The following MEGF11 variants were observed in gnomAD, a reference collection of about 807,000 sequenced individuals.
MEGF11 encodes multiple epidermal growth factor-like domains protein 11.
In MEGF11, 126 loss-of-function variants were observed where a neutral mutation model predicts 146.6. The ratio of observed to expected loss-of-function variants is 0.86; its 90% CI spans 0.74 to 1.00. The LOEUF (loss-of-function observed/expected upper bound fraction) is 1.00. Among genes scored for constraint, MEGF11 ranks in the 50% least tolerant of loss-of-function variants. The probability of loss-of-function intolerance (pLI) is 0.00; values close to 1 mark genes in which losing one functional copy is unlikely to be tolerated. For synonymous variants in MEGF11, 532 were observed against 583.4 expected, an observed-to-expected ratio of 0.91 and a Z score of 1.27; for missense variants, 1,509 against 1,521.2, an observed-to-expected ratio of 0.99 and a Z score of 0.13.
At chr15:66,062,080 G>A (rs1023403738) in intron 5 of MEGF11, among the ~76,000 whole-genome samples, 11 of 152,238 alleles carry the variant, frequency 7.2e-5, no homozygotes, top group African/African-American at 2.7e-4. Context: ...TTTTGGTCAG[G>A]TGATCTGGGA....
chr15:65,957,598 G>C lies in MEGF11; in HGVS notation c.1236C>G (p.Gly412=). The C allele has an allele frequency of 6.2e-7, 1 of 1,613,906 alleles. No individual in the cohort carries two copies. The highest frequency in any genetic ancestry group is 8.5e-7 in the Non-Finnish European group (1 of 1,179,872). Residue 412 remains glycine (G), a synonymous_variant, in exon 10 of 26, where the codon GGC becomes GGG. Coordinates refer to ENST00000395614, the MANE Select transcript of MEGF11 (RefSeq NM_001385028.1). ...CCCCAGTGATGCTGTGGCAGTCGGCGCCATTCTGACAGGTGCAAGGCAGCT... is the reference window on the plus strand; with the variant it reads ...CCCCAGTGATGCTGTGGCAGTCGGCCCCATTCTGACAGGTGCAAGGCAGCT... ...GCQLPCTCQN[G]ADCHSITGGC...
At chr15:65,956,718 T>G (rs1596903253) in intron 10 of MEGF11, among the ~76,000 whole-genome samples, 1 of 152,296 alleles carries the variant, frequency 6.6e-6, no homozygotes, top group East Asian at 1.9e-4. Context: ...ACAAACCTCA[T>G]AAAGACCAGC....
chr15:65,935,927 A>T lies in MEGF11; in HGVS notation c.1288-4984T>A, dbSNP rs912432857. On this transcript the variant is annotated intron_variant, in intron 10 of 25. Transcript: ENST00000395614. ...GGCCAGTCTCCGGTGATTGATGTTCATAGCAAGCCAATCACGAGCCTATCT... is the reference window on the plus strand; with the variant it reads ...GGCCAGTCTCCGGTGATTGATGTTCTTAGCAAGCCAATCACGAGCCTATCT... 5.3e-5 allele frequency among the ~76,000 whole-genome samples: 8 copies of T among 152,326 alleles called. No homozygotes were observed. In the East Asian group the frequency reaches 1.5e-3, roughly 29 times the overall value.
At chr15:66,157,579 T>G (rs1177604800) in intron 1 of MEGF11, among the ~76,000 whole-genome samples, 1 of 152,260 alleles carries the variant, frequency 6.6e-6, no homozygotes, top group Non-Finnish European at 1.5e-5. Context: ...TCCTGCCATC[T>G]TCGTCCCTTT....
chr15:66,108,161 G>A lies in MEGF11; in HGVS notation c.301+10925C>T, dbSNP rs190232126. On this transcript the variant is annotated intron_variant, in intron 4 of 25. Transcript: ENST00000395614. ...TGGGATGCAGAGGCTCAGCAGTGAG[G>A]TAACGGGACGTTGAGGAGCAAGACA... Among the ~76,000 whole-genome samples the A allele has an allele frequency of 1.3e-3, 197 of 152,374 alleles. 1 individual carries two copies. The highest frequency in any genetic ancestry group is 4.5e-3 in the African/African-American group (188 of 41,596).
At chr15:65,996,133 C>G (rs188023611) in intron 5 of MEGF11, among the ~76,000 whole-genome samples, 1 of 152,150 alleles carries the variant, frequency 6.6e-6, no homozygotes, top group African/African-American at 2.4e-5. Flanking sequence ...GAAGACACAT[C>G]CCCTCTTTGG....
intron 5 of MEGF11, among the ~76,000 whole-genome samples, chr15:66,008,445 ACACAC>A (rs1567199826): frequency 2.6e-5 from 4 of 151,698 alleles, no homozygotes; most frequent in African/African-American, 9.7e-5. Context: ...ACACACACAC[ACACAC>A]AAAATTACAG....
At chr15:65,926,764 CAG>C (rs1259426562) in intron 13 of MEGF11, among the ~76,000 whole-genome samples, 1 of 152,296 alleles carries the variant, frequency 6.6e-6, no homozygotes, top group East Asian at 1.9e-4. Context: ...TCACCAAAGA[CAG>C]AATTTTTAAG....
chr15:66,197,608 G>A (rs998997785), intron 1 of MEGF11, among the ~76,000 whole-genome samples: 49 of 152,066 alleles, frequency 3.2e-4, no homozygotes, highest in Non-Finnish European at 6.3e-4. Flanking sequence ...ATTTTTAGTA[G>A]ATACGGGGTT....
chr15:66,204,947 G>T (rs1216625879), intron 1 of MEGF11, among the ~76,000 whole-genome samples: 1 of 150,936 alleles, frequency 6.6e-6, no homozygotes, highest in African/African-American at 2.4e-5. Flanking sequence ...TAAGCCCCAA[G>T]GAACAACATG....
chr15:65,966,168 G>A (rs1216250217), intron 8 of MEGF11, among the ~76,000 whole-genome samples: 1 of 152,098 alleles, frequency 6.6e-6, no homozygotes, highest in Non-Finnish European at 1.5e-5. Context: ...ACTAATTTTT[G>A]TATTTTTACT....
Position 66,157,239 on chromosome 15 carries a change from A to G in MEGF11, c.-8-28828T>C, listed in dbSNP as rs540304819. On this transcript the variant is annotated intron_variant, in intron 1 of 25. Coordinates refer to ENST00000395614, the MANE Select transcript of MEGF11 (RefSeq NM_001385028.1). ...GACATCTCCACGGGCAAACGTAGCC[A>G]GCCTCCCTCCTCACTCCCAAGGGAG... Among the ~76,000 whole-genome samples the G allele has an allele frequency of 3.3e-5, 5 of 152,348 alleles. No homozygotes were observed. The East Asian group carries it at 9.6e-4, about 29-fold the overall frequency.
chr15:66,000,099 A>G (rs1188078596), intron 5 of MEGF11, among the ~76,000 whole-genome samples: 2 of 152,210 alleles, frequency 1.3e-5, no homozygotes, highest in African/African-American at 4.8e-5. Context: ...TTTATCCATC[A>G]GCCTCTCTAT....
At chr15:65,930,057 C>T (rs2079518583) in intron 11 of MEGF11, among the ~76,000 whole-genome samples, 174 bp from the exon 12 acceptor site, 1 of 152,178 alleles carries the variant, frequency 6.6e-6, no homozygotes, top group Admixed American at 6.5e-5. Context: ...GTTAGGAGAG[C>T]TGGGGCTAGA....
intron 25 of MEGF11, chr15:65,898,352 C>G (rs776789792): frequency 9.7e-5 from 96 of 985,248 alleles, no homozygotes; most frequent in Admixed American, 1.2e-4. Context: ...AGCCCAGGGA[C>G]ATAAACTGGG....
In MEGF11 at chr15:65,916,871, G is replaced by C. The variant is rs763753100; in HGVS notation, c.2172C>G (p.Ala724=). Residue 724 remains alanine, a synonymous_variant, in exon 17 of 26, where the codon GCC becomes GCG. Coordinates refer to ENST00000395614, the MANE Select transcript of MEGF11 (RefSeq NM_001385028.1). Reference sequence around the variant, plus strand: ...CAGTCCAGCCAGGGGTGCAGTGGCAGGCCCCGTCCTCGGCGCTGCAGCTCG... The same window carrying C: ...CAGTCCAGCCAGGGGTGCAGTGGCACGCCCCGTCCTCGGCGCTGCAGCTCG... The part of the protein sequence containing the change: ...NGASCSAEDG[A]CHCTPGWTGL... 3.2e-5 allele frequency: 51 copies of C among 1,595,876 alleles called. No individual in the cohort carries two copies. The highest frequency in any genetic ancestry group is 4.4e-5 in the Non-Finnish European group (51 of 1,169,954).
At chr15:66,197,370 A>G (rs1274420061) in intron 1 of MEGF11, among the ~76,000 whole-genome samples, 1 of 151,918 alleles carries the variant, frequency 6.6e-6, no homozygotes, top group East Asian at 1.9e-4. Flanking sequence ...TTCCATGCAC[A>G]TTTTCCCTGC....
chr15:66,144,404 C>G (rs2089288885), intron 1 of MEGF11, among the ~76,000 whole-genome samples: 1 of 152,142 alleles, frequency 6.6e-6, no homozygotes, highest in African/African-American at 2.4e-5. Context: ...CTTCCCACCC[C>G]ACAGCACAGG....
chr15:66,098,213 T>G (rs978660988), intron 4 of MEGF11, among the ~76,000 whole-genome samples: 1 of 152,112 alleles, frequency 6.6e-6, no homozygotes. Context: ...ACAGCGATCT[T>G]GGCACCAAGC....
Sources: gnomAD v4.1 joint callset for allele counts (sites outside exome capture counted in the v4.1 genomes callset) on GRCh38, gnomAD v4.1.1 for gene constraint, MANE v1.5 for transcripts, NCBI Gene and HGNC (gene_info 2026-07-23, HGNC 2026-07-21) for gene names.